SLC39A11: variants seen among roughly 807,000 people sequenced by gnomAD.
The protein encoded by SLC39A11 is solute carrier family 39 member 11, also known as zinc transporter ZIP11.
SLC39A11 carries 33 observed loss-of-function variants against 36.1 expected under a neutral mutation model. The observed-to-expected ratio is 0.91, with a 90% CI of 0.69 to 1.22. The LOEUF (loss-of-function observed/expected upper bound fraction) is 1.22, where lower values mean the gene tolerates loss of function less well. SLC39A11 is among the 50% of genes most tolerant of loss of function. SLC39A11 has a pLI of 0.00. For synonymous variants in SLC39A11, 166 were observed against 170.3 expected, an observed-to-expected ratio of 0.97 and a Z score of 0.20; for missense variants, 432 against 430.3, an observed-to-expected ratio of 1.00 and a Z score of -0.03.
chr17:72,691,701 G>A (rs1052352135), intron 7 of SLC39A11, among the ~76,000 whole-genome samples: 1 of 152,196 alleles, frequency 6.6e-6, no homozygotes, highest in Non-Finnish European at 1.5e-5. Flanking sequence ...TAAAAATACA[G>A]CTTGTGCATG....
intron 3 of SLC39A11, among the ~76,000 whole-genome samples, chr17:73,050,818 G>T (rs2059471869): frequency 6.6e-6 from 1 of 152,142 alleles, no homozygotes; most frequent in African/African-American, 2.4e-5. Flanking sequence ...AAAGGGAAGG[G>T]ATGGAGTGGG....
At chr17:72,941,741 C>T (rs1253655405) in intron 5 of SLC39A11, among the ~76,000 whole-genome samples, 2 of 152,150 alleles carry the variant, frequency 1.3e-5, no homozygotes, top group Non-Finnish European at 2.9e-5. Context: ...AAGAAGGTAT[C>T]TCTGCATTGT....
At chr17:72,979,509 T>G (rs371361709) in intron 4 of SLC39A11, among the ~76,000 whole-genome samples, 2 of 152,094 alleles carry the variant, frequency 1.3e-5, no homozygotes, top group African/African-American at 4.8e-5. Flanking sequence ...GAGGGACGGA[T>G]AGAGACATTC....
intron 6 of SLC39A11, among the ~76,000 whole-genome samples, chr17:72,848,033 G>A (rs1248829068): frequency 6.6e-6 from 1 of 152,208 alleles, no homozygotes; most frequent in Admixed American, 6.5e-5. Context: ...TCTCAAGATC[G>A]AGGAAATCAT....
chr17:73,051,576 G>A (rs2059500064), intron 3 of SLC39A11, among the ~76,000 whole-genome samples: 1 of 151,222 alleles, frequency 6.6e-6, no homozygotes, highest in African/African-American at 2.4e-5. Flanking sequence ...CAAGAGTTCA[G>A]GCCAGTCGCC....
At chr17:72,767,038 C>T (rs1205081419) in intron 6 of SLC39A11, among the ~76,000 whole-genome samples, 1 of 152,144 alleles carries the variant, frequency 6.6e-6, no homozygotes, top group African/African-American at 2.4e-5. Flanking sequence ...ACATTCCAAG[C>T]CTGTGATAAG....
chr17:73,032,511 A>T (rs1459571521), intron 3 of SLC39A11, among the ~76,000 whole-genome samples: 1 of 152,116 alleles, frequency 6.6e-6, no homozygotes, highest in East Asian at 1.9e-4. Flanking sequence ...CCAGCCCAAA[A>T]AATCCTATTT....
intron 5 of SLC39A11, among the ~76,000 whole-genome samples, chr17:72,917,412 G>A (rs868847489): frequency 3.6e-4 from 55 of 152,310 alleles, no homozygotes; most frequent in African/African-American, 1.3e-3. Context: ...GGAGGAAACT[G>A]CGAGTTGGGG....
chr17:72,813,884 G>A (rs758191544), intron 6 of SLC39A11, among the ~76,000 whole-genome samples: 1 of 152,174 alleles, frequency 6.6e-6, no homozygotes, highest in African/African-American at 2.4e-5. Context: ...CCGTAAGAGT[G>A]CTTTTGTGAA....
chr17:72,936,708 A>G (rs1242002041), intron 5 of SLC39A11, among the ~76,000 whole-genome samples: 1 of 152,062 alleles, frequency 6.6e-6, no homozygotes, highest in Non-Finnish European at 1.5e-5. Context: ...GGCACCAGGG[A>G]CTGGTTTTAT....
intron 4 of SLC39A11, among the ~76,000 whole-genome samples, chr17:73,012,002 C>A (rs180784991): frequency 2.0e-5 from 3 of 149,414 alleles, no homozygotes; most frequent in Non-Finnish European, 4.4e-5. Context: ...TGGCCAGGTG[C>A]GGTGGTTCAC....
intron 6 of SLC39A11, among the ~76,000 whole-genome samples, chr17:72,811,561 T>C (rs147860732): frequency 2.0e-5 from 3 of 152,366 alleles, no homozygotes; most frequent in Non-Finnish European, 4.4e-5. Context: ...ATGCTGTATC[T>C]AAAATGCATA....
chr17:72,721,968 CAA>C (rs11399362), intron 7 of SLC39A11, among the ~76,000 whole-genome samples: 10 of 104,926 alleles, frequency 9.5e-5, no homozygotes, highest in Admixed American at 1.1e-4. Flanking sequence ...GCCTCCATCT[CAA>C]AAAAAAAAAA....
chr17:72,912,846 G>A (rs957262329), intron 5 of SLC39A11, among the ~76,000 whole-genome samples: 1 of 152,136 alleles, frequency 6.6e-6, no homozygotes, highest in Non-Finnish European at 1.5e-5. Context: ...CCCAGACCCT[G>A]AGCTGCGCCC....
chr17:72,841,540 C>T (rs1204763415), intron 6 of SLC39A11, among the ~76,000 whole-genome samples: 2 of 151,896 alleles, frequency 1.3e-5, no homozygotes, highest in Non-Finnish European at 2.9e-5. Flanking sequence ...GGATGTTTAC[C>T]AGAGGCTGGG....
chr17:72,803,722 C>A (rs866762147), intron 6 of SLC39A11, among the ~76,000 whole-genome samples: 3 of 152,100 alleles, frequency 2.0e-5, no homozygotes, highest in Non-Finnish European at 4.4e-5. Flanking sequence ...ACAGAGCAGA[C>A]CCCCTTGATC....
Position 72,930,457 on chromosome 17 carries a change from C to T in SLC39A11, c.430+17295G>A, listed in dbSNP as rs571026378. On this transcript the variant is annotated intron_variant, in intron 5 of 9. Coordinates refer to ENST00000255559, the MANE Select transcript of SLC39A11 (RefSeq NM_139177.4). ...TCTTGTCCAGCCTGAGACAGGTCTA[C>T]GGCAGCAAAGGGAAGAGCAGCACCA... 8.5e-5 allele frequency among the ~76,000 whole-genome samples: 13 copies of T among 152,224 alleles called. No homozygotes were observed. In the South Asian group the frequency reaches 1.9e-3, roughly 22 times the overall value.
At chr17:72,678,073 A>G (rs929040345) in intron 7 of SLC39A11, among the ~76,000 whole-genome samples, 7 of 152,190 alleles carry the variant, frequency 4.6e-5, no homozygotes, top group African/African-American at 9.7e-5. Context: ...CAGAGGGTCC[A>G]TGTTTCAATG....
intron 7 of SLC39A11, among the ~76,000 whole-genome samples, chr17:72,670,110 A>C (rs536266307): frequency 2.0e-3 from 302 of 151,288 alleles, no homozygotes; most frequent in South Asian, 3.6e-3. Flanking sequence ...ATACTTGTAC[A>C]TATATAGTTT....
Sources: gnomAD v4.1 joint callset for allele counts (sites outside exome capture counted in the v4.1 genomes callset) on GRCh38, gnomAD v4.1.1 for gene constraint, MANE v1.5 for transcripts, NCBI Gene and HGNC (gene_info 2026-07-23, HGNC 2026-07-21) for gene names.